The following TSPAN18 variants were observed in gnomAD, a reference collection of about 807,000 sequenced individuals.
The protein encoded by TSPAN18 is tetraspanin 18.
TSPAN18 carries 14 observed loss-of-function variants against 27.3 expected under a neutral mutation model. The ratio of observed to expected loss-of-function variants is 0.51; its 90% CI spans 0.34 to 0.80. The LOEUF (loss-of-function observed/expected upper bound fraction) is 0.80. Ranked by LOEUF, TSPAN18 falls within the 30% of genes least tolerant of loss-of-function variation. The pLI, the probability that TSPAN18 is intolerant of heterozygous loss-of-function variation, is 0.01. For missense variants in TSPAN18, 268 were observed against 323.9 expected (o/e 0.83, Z 1.32); for synonymous variants, 143 against 136.5 (o/e 1.05, Z -0.33).
intron 2 of TSPAN18, among the ~76,000 whole-genome samples, chr11:44,805,914 A>G (rs1856582610): frequency 6.6e-6 from 1 of 152,106 alleles, no homozygotes; most frequent in South Asian, 2.1e-4. Flanking sequence ...CAGTCATTGA[A>G]TTTAGTACCT....
intron 3 of TSPAN18, among the ~76,000 whole-genome samples, chr11:44,881,961 C>G (rs1858500049): frequency 6.6e-6 from 1 of 152,216 alleles, no homozygotes; most frequent in Admixed American, 6.5e-5. Context: ...TGGAAGGGGT[C>G]ACTGGTGAAA....
intron 1 of TSPAN18, among the ~76,000 whole-genome samples, chr11:44,753,249 C>G (rs1043204028): frequency 1.3e-5 from 2 of 152,156 alleles, no homozygotes; most frequent in African/African-American, 4.8e-5. Flanking sequence ...CTGCCTCAAC[C>G]TCCCGAGTAG....
intron 2 of TSPAN18, among the ~76,000 whole-genome samples, chr11:44,824,634 G>A (rs998224905): frequency 2.0e-5 from 3 of 152,252 alleles, no homozygotes; most frequent in Non-Finnish European, 2.9e-5. Context: ...GATAAAGCCA[G>A]GGGCCCACGG....
chr11:44,780,377 A>T (rs536148254), intron 2 of TSPAN18, among the ~76,000 whole-genome samples: 180 of 152,362 alleles, frequency 1.2e-3, no homozygotes, highest in African/African-American at 4.2e-3. Flanking sequence ...AGGTTGAGAC[A>T]GGGACAATCT....
chr11:44,753,376 C>T lies in TSPAN18; in HGVS notation c.-239-11050C>T, dbSNP rs142237102. Among the ~76,000 whole-genome samples the T allele has an allele frequency of 1.8e-4, 27 of 152,118 alleles. No individual in the cohort carries two copies. In the East Asian group the frequency reaches 4.6e-3, roughly 26 times the overall value. ...TGATCTCCTGACCTCACGATCCGCCCGCCTCAGCCTCCCAAAGTGCTGGGA... is the reference window on the plus strand; with the variant it reads ...TGATCTCCTGACCTCACGATCCGCCTGCCTCAGCCTCCCAAAGTGCTGGGA... On this transcript the variant is annotated intron_variant, in intron 1 of 9. Transcript: ENST00000520358.
At chr11:44,812,214 CCACTT>C (rs928981244) in intron 2 of TSPAN18, among the ~76,000 whole-genome samples, 4 of 152,188 alleles carry the variant, frequency 2.6e-5, no homozygotes, top group African/African-American at 7.2e-5. Context: ...CCCAGCCTGG[CCACTT>C]CCTGGCTGTG....
chr11:44,811,990 C>T (rs1320410629), intron 2 of TSPAN18, among the ~76,000 whole-genome samples: 2 of 152,204 alleles, frequency 1.3e-5, no homozygotes, highest in African/African-American at 2.4e-5. Context: ...GCAGGGCTGG[C>T]AATGCCATAT....
intron 8 of TSPAN18, among the ~76,000 whole-genome samples, chr11:44,921,001 G>C (rs938290092): frequency 1.3e-5 from 2 of 152,246 alleles, no homozygotes. Context: ...GGAGGTGACA[G>C]TGAGCAGAGG....
chr11:44,876,306 A>G (rs1858330785), intron 3 of TSPAN18, among the ~76,000 whole-genome samples: 2 of 152,152 alleles, frequency 1.3e-5, no homozygotes, highest in African/African-American at 4.8e-5. Flanking sequence ...TATGTGTCAA[A>G]TAGGGTGTGT....
At chr11:44,879,155 A>G (rs1057374581) in intron 3 of TSPAN18, among the ~76,000 whole-genome samples, 21 of 152,208 alleles carry the variant, frequency 1.4e-4, no homozygotes, top group African/African-American at 5.1e-4. Context: ...CTCCCCAGAA[A>G]TGATGTAGCT....
In TSPAN18 at chr11:44,921,249, A is replaced by T. The variant is rs867993592; in HGVS notation, c.615+1250A>T. Among the ~76,000 whole-genome samples, 13 of 152,316 alleles carry T rather than the reference A, an allele frequency of 8.5e-5. 1 individual carries two copies. The Middle Eastern group carries it at 0.01, about 120-fold the overall frequency. The stretch of plus-strand genomic sequence containing the variant: ...GAGACCTGCCGTGGGGAGCAGCTGC[A>T]GGGCGGGGAGGGGAGTTTCAGGCTT... On this transcript the variant is annotated intron_variant, in intron 8 of 9. Transcript: ENST00000520358.
Position 44,919,924 on chromosome 11 carries a change from A to G in TSPAN18, c.540A>G (p.Glu180=). 1.2e-6 allele frequency: 2 copies of G among 1,614,128 alleles called. No homozygotes were observed. The highest frequency in any genetic ancestry group is 1.7e-6 in the Non-Finnish European group (2 of 1,180,008). Residue 180 remains glutamate (E), a synonymous_variant, in exon 8 of 10, where the codon GAA becomes GAG. Transcript: ENST00000520358. ...TGCCGGAGGCCTGCTGCCGGAGGGA[A>G]CCCCAAAGTCGGGACGGGGTCCTGC... is the stretch of plus-strand genomic sequence containing the variant. The part of the protein sequence containing the change: ...EEVPEACCRR[E]PQSRDGVLLS...
intron 6 of TSPAN18, 151 bp downstream of exon 6, chr11:44,918,197 T>C: frequency 1.3e-6 from 1 of 782,858 alleles, no homozygotes; most frequent in Non-Finnish European, 2.1e-6. Context: ...CCCACCCGCC[T>C]GGCAAGGCCC....
chr11:44,898,869 GA>G (rs1859157920), intron 3 of TSPAN18, among the ~76,000 whole-genome samples: 1 of 152,136 alleles, frequency 6.6e-6, no homozygotes, highest in Non-Finnish European at 1.5e-5. Flanking sequence ...TATGACTTTT[GA>G]ATGTGTGTCA....
At chr11:44,886,418 G>A (rs1251598510) in intron 3 of TSPAN18, 1 of 152,196 alleles carries the variant, frequency 6.6e-6, no homozygotes, top group African/African-American at 2.4e-5. Flanking sequence ...AAGCAAGCAC[G>A]GCTCCAACAC....
chr11:44,742,307 CCCTTTTTT>C (rs1358740415), intron 1 of TSPAN18, among the ~76,000 whole-genome samples: 2 of 135,074 alleles, frequency 1.5e-5, no homozygotes, highest in African/African-American at 5.4e-5. Context: ...CTCCCTCCCT[CCCTTTTTT>C]CCTTTCTTCC....
chr11:44,794,971 C>T (rs1856314904), intron 2 of TSPAN18, among the ~76,000 whole-genome samples: 1 of 152,132 alleles, frequency 6.6e-6, no homozygotes, highest in African/African-American at 2.4e-5. Flanking sequence ...ATGATGCCAG[C>T]TTGGTTGAAG....
intron 1 of TSPAN18, among the ~76,000 whole-genome samples, chr11:44,755,925 G>A (rs1050795907): frequency 6.6e-6 from 1 of 152,104 alleles, no homozygotes; most frequent in Non-Finnish European, 1.5e-5. Flanking sequence ...CAGAGCCAGG[G>A]TGGGGAGAAG....
rs1855082565 is a variant in TSPAN18, at chr11:44,746,594, T to TA, written c.-239-17825dup. 2.0e-5 allele frequency among the ~76,000 whole-genome samples: 3 copies of TA among 151,724 alleles called. No homozygotes were observed. The South Asian group carries it at 6.2e-4, about 32-fold the overall frequency. On this transcript the variant is annotated intron_variant, in intron 1 of 9. Transcript: ENST00000520358. ...CATCGGGGGCCCTCTCTACAAAAAA[T>TA]AAAAAAATAAAAATTAGCTGCAGAT... is the stretch of plus-strand genomic sequence containing the variant.
Sources: gnomAD v4.1 joint callset for allele counts (sites outside exome capture counted in the v4.1 genomes callset) on GRCh38, gnomAD v4.1.1 for gene constraint, MANE v1.5 for transcripts, NCBI Gene and HGNC (gene_info 2026-07-23, HGNC 2026-07-21) for gene names.